The following SIPA1L3 variants were observed in gnomAD, a reference collection of about 807,000 sequenced individuals.
The protein encoded by SIPA1L3 is signal-induced proliferation-associated 1-like protein 3.
SIPA1L3 carries 59 observed loss-of-function variants against 150.1 expected under a neutral mutation model. The observed-to-expected ratio is 0.39, with a 90% CI of 0.32 to 0.49. SIPA1L3 has a LOEUF of 0.49. Ranked by LOEUF, SIPA1L3 falls within the 20% of genes least tolerant of loss-of-function variation. The pLI is 0.86. For synonymous variants in SIPA1L3, 1,070 were observed against 1,077.6 expected (o/e 0.99, Z 0.14); for missense variants, 2,211 against 2,489.5 (o/e 0.89, Z 2.38).
intron 1 of SIPA1L3, among the ~76,000 whole-genome samples, chr19:38,028,019 G>A (rs886179240): frequency 1.3e-5 from 2 of 152,014 alleles, no homozygotes; most frequent in Admixed American, 1.3e-4. Flanking sequence ...TTAGTGAATG[G>A]CCATTGCATA....
rs1051006733 is a variant in SIPA1L3 at position 38,078,593 on chromosome 19, GAC to G, written c.-310-2651_-310-2650del. 9.2e-4 allele frequency among the ~76,000 whole-genome samples: 97 copies of G among 105,058 alleles called. 1 individual carries two copies. The highest frequency in any genetic ancestry group is 3.7e-3 in the African/African-American group (92 of 24,722). 68.9% of individuals were successfully genotyped at this position (105,058 alleles called of 152,430 possible). ...ACACAGAGACACGCACACACACACA[GAC>G]ACACACACACAGACACATACACGCA... On this transcript the variant is annotated intron_variant, in intron 2 of 21. Transcript: ENST00000222345.
At chr19:37,914,524 C>T (rs1012818268) in intron 1 of SIPA1L3, among the ~76,000 whole-genome samples, 5 of 151,832 alleles carry the variant, frequency 3.3e-5, no homozygotes, top group Non-Finnish European at 7.4e-5. Flanking sequence ...AATGTGCCAC[C>T]ACACCTGGCT....
intron 4 of SIPA1L3, among the ~76,000 whole-genome samples, chr19:38,095,666 G>A (rs1463798212): frequency 6.6e-6 from 1 of 152,204 alleles, no homozygotes; most frequent in Non-Finnish European, 1.5e-5. Flanking sequence ...GAGACCTGGA[G>A]GAGGCTGCTG....
At chr19:37,913,379 G>T (rs2046391437) in intron 1 of SIPA1L3, among the ~76,000 whole-genome samples, 1 of 152,038 alleles carries the variant, frequency 6.6e-6, no homozygotes, top group Non-Finnish European at 1.5e-5. Context: ...AGCCATTCTA[G>T]CCCGGGAAGA....
At chr19:37,927,291 C>T (rs926980603) in intron 1 of SIPA1L3, among the ~76,000 whole-genome samples, 2 of 151,840 alleles carry the variant, frequency 1.3e-5, no homozygotes, top group African/African-American at 4.8e-5. Flanking sequence ...ATTACAGGTG[C>T]CTCCACCAAC....
At chr19:38,153,011 C>T (rs766773800) in intron 13 of SIPA1L3, 44 bp downstream of exon 13, 1 of 1,592,270 alleles carries the variant, frequency 6.3e-7, no homozygotes, top group Non-Finnish European at 8.5e-7. Context: ...CTGCCTCACT[C>T]CGCAGGACCT....
intron 13 of SIPA1L3, among the ~76,000 whole-genome samples, chr19:38,161,874 C>T (rs1208004796): frequency 2.2e-5 from 2 of 92,560 alleles, no homozygotes; most frequent in Non-Finnish European, 2.1e-5. Flanking sequence ...GTAGCAAGAC[C>T]TCAAAAAAAA....
Position 38,208,287 on chromosome 19 carries a change from G to A in SIPA1L3, c.*2047G>A, listed in dbSNP as rs1254917477. 7.0e-6 allele frequency: 1 copy of A among 143,382 alleles called. No individual in the cohort carries two copies. The highest frequency in any genetic ancestry group is 1.5e-5 in the Non-Finnish European group (1 of 65,196). 8.9% of individuals were successfully genotyped at this position (143,382 alleles called of 1,614,324 possible). Reference sequence around the variant, plus strand: ...GATTTTTTTTTTATTATTCTTTATTGTCTTTTTTTTTTCCCCATCCCTGTC... The same window carrying A: ...GATTTTTTTTTTATTATTCTTTATTATCTTTTTTTTTTCCCCATCCCTGTC... On this transcript the variant is annotated 3_prime_UTR_variant, in exon 22 of 22. Transcript: ENST00000222345.
At position 38,047,452 on chromosome 19, in the gene SIPA1L3, C is replaced by A. The variant is rs552763459; in HGVS notation, c.-311+18296C>A. 6.6e-6 allele frequency among the ~76,000 whole-genome samples: 1 copy of A among 152,042 alleles called. No individual in the cohort carries two copies. The highest frequency in any genetic ancestry group is 2.4e-5 in the African/African-American group (1 of 41,378). On this transcript the variant is annotated intron_variant, in intron 2 of 21. Coordinates refer to ENST00000222345, the MANE Select transcript of SIPA1L3 (RefSeq NM_015073.3). This position sits in a 1 kb window ranked among gnomAD's most constrained non-coding sequence, Gnocchi z 4.7. Reference sequence around the variant, plus strand: ...CCAGCATCTAGAACAGGACCTGGCCCGAAAGAGCTGCTCAGTAAATATTTG... The same window carrying A: ...CCAGCATCTAGAACAGGACCTGGCCAGAAAGAGCTGCTCAGTAAATATTTG...
chr19:38,015,945 A>G (rs185462279), intron 1 of SIPA1L3, among the ~76,000 whole-genome samples: 30 of 152,212 alleles, frequency 2.0e-4, no homozygotes, highest in Admixed American at 9.8e-4. Flanking sequence ...ACTTGCATGC[A>G]TCGTTGGTCC....
intron 1 of SIPA1L3, among the ~76,000 whole-genome samples, chr19:37,947,053 G>T (rs1353854141): frequency 6.6e-6 from 1 of 152,170 alleles, no homozygotes; most frequent in Non-Finnish European, 1.5e-5. Flanking sequence ...ATCTAGCTGG[G>T]TGTGGTGGCG....
rs1268896321 is a variant in SIPA1L3, at chr19:38,151,163, C to G, written c.3534-1677C>G. 2.6e-5 allele frequency among the ~76,000 whole-genome samples: 4 copies of G among 152,310 alleles called. No individual in the cohort carries two copies. The East Asian group carries it at 7.7e-4, about 29-fold the overall frequency. ...GCAGCATCTGGAGGGCAAAGAGAGG[C>G]CATCTTTTCTTGTCATCCCTCTTAG... is the stretch of plus-strand genomic sequence containing the variant. On this transcript the variant is annotated intron_variant, in intron 12 of 21. Coordinates refer to ENST00000222345, the MANE Select transcript of SIPA1L3 (RefSeq NM_015073.3).
chr19:38,193,881 A>G (rs928304486), intron 18 of SIPA1L3, 101 bp downstream of exon 18: 100 of 1,306,634 alleles, frequency 7.7e-5, no homozygotes, highest in Non-Finnish European at 9.7e-5. Context: ...GCTAGAGGTC[A>G]TCAGTGTCGG....
At chr19:38,125,471 C>G (rs1971150489) in intron 9 of SIPA1L3, among the ~76,000 whole-genome samples, 1 of 152,166 alleles carries the variant, frequency 6.6e-6, no homozygotes, top group African/African-American at 2.4e-5. Flanking sequence ...GCCACTCTGT[C>G]CCACACCCAC....
In SIPA1L3 at chr19:37,957,352, A is replaced by G. The variant is rs946420639; in HGVS notation, c.-379+49994A>G. Reference sequence around the variant, plus strand: ...TTGATAGACTGTGTGTTGACTCTACATGTCAATATGGTGAGAATTGCCATA... The same window carrying G: ...TTGATAGACTGTGTGTTGACTCTACGTGTCAATATGGTGAGAATTGCCATA... On this transcript the variant is annotated intron_variant, in intron 1 of 21. Transcript: ENST00000222345. 6.6e-5 allele frequency among the ~76,000 whole-genome samples: 10 copies of G among 152,334 alleles called. 1 individual carries two copies. Among genetic ancestry groups the G allele is most frequent in the Admixed American group, 5.2e-4 (8 of 15,304 alleles).
chr19:37,999,021 A>G (rs1404197728), intron 1 of SIPA1L3, among the ~76,000 whole-genome samples: 1 of 151,776 alleles, frequency 6.6e-6, no homozygotes, highest in Non-Finnish European at 1.5e-5. Context: ...ACCCACACAC[A>G]CACAAAGACT....
intron 1 of SIPA1L3, among the ~76,000 whole-genome samples, chr19:37,942,192 G>A (rs2145528202): frequency 6.6e-6 from 1 of 152,238 alleles, no homozygotes; most frequent in African/African-American, 2.4e-5. Context: ...TCCTCCTGGA[G>A]TTCATTGTTT....
chr19:38,133,691 T>A (rs1971367426), intron 10 of SIPA1L3, among the ~76,000 whole-genome samples: 1 of 152,208 alleles, frequency 6.6e-6, no homozygotes, highest in South Asian at 2.1e-4. Flanking sequence ...TGTCTAGGTT[T>A]GAATCCCAGC....
chr19:38,190,515 C>G (rs1335976653), intron 16 of SIPA1L3, among the ~76,000 whole-genome samples: 2 of 152,180 alleles, frequency 1.3e-5, no homozygotes, highest in Non-Finnish European at 2.9e-5. Flanking sequence ...TGCTCTCGCC[C>G]TTCCTTTGTT....
Sources: allele counts gnomAD v4.1 joint callset (sites outside exome capture counted in the v4.1 genomes callset), GRCh38; gene constraint gnomAD v4.1.1; non-coding constraint Gnocchi (gnomAD v3.1); transcripts MANE v1.5; gene names NCBI Gene and HGNC (gene_info 2026-07-23, HGNC 2026-07-21).